Variants in DSTYK observed in about 807,000 individuals in gnomAD.
DSTYK encodes dual serine/threonine and tyrosine protein kinase.
DSTYK carries 34 observed loss-of-function variants against 98.7 expected under a neutral mutation model. That is an observed-to-expected ratio of 0.34 (90% CI 0.26 to 0.46). The LOEUF is 0.46. DSTYK is among the 20% of genes least tolerant of loss of function. DSTYK has a pLI of 1.00. For synonymous variants in DSTYK, 462 were observed against 457.3 expected, an observed-to-expected ratio of 1.01 and a Z score of -0.13; for missense variants, 962 against 1,181.7, an observed-to-expected ratio of 0.81 and a Z score of 2.73.
Position 205,186,051 on chromosome 1 carries a change from T to A in DSTYK, c.654+1367A>T, listed in dbSNP as rs193218323. The stretch of plus-strand genomic sequence containing the variant: ...AAAGAAAAAAAGAAAAGAAAAAAAA[T>A]ATATATATAAGTTTGAAAACCATTG... On this transcript the variant is annotated intron_variant, in intron 2 of 12. Coordinates refer to ENST00000367162, the MANE Select transcript of DSTYK (RefSeq NM_015375.3). 3.5e-3 allele frequency among the ~76,000 whole-genome samples: 527 copies of A among 151,768 alleles called. 2 individuals are homozygous for A. The highest frequency in any genetic ancestry group is 0.01 in the African/African-American group (434 of 41,398).
rs1280622071 is a variant in DSTYK at position 205,152,297 on chromosome 1, C to A, written c.2353-1503G>T. Among the ~76,000 whole-genome samples the A allele has an allele frequency of 2.0e-5, 3 of 152,222 alleles. No homozygotes were observed. The East Asian group carries it at 5.8e-4, about 29-fold the overall frequency. Reference sequence around the variant, plus strand: ...GGTTCAAGCGATTCTCCTGCCTCAGCCTCCCGAGCAGCTGGGATTACAGGC... The same window carrying A: ...GGTTCAAGCGATTCTCCTGCCTCAGACTCCCGAGCAGCTGGGATTACAGGC... On this transcript the variant is annotated intron_variant, in intron 10 of 12. Coordinates refer to ENST00000367162, the MANE Select transcript of DSTYK (RefSeq NM_015375.3).
Position 205,144,591 on chromosome 1 carries a change from C to T in DSTYK, c.*2967G>A, listed in dbSNP as rs1558593436. ...AAAAGCAAAGTATACACACTCTATA[C>T]ACACGTATACCTGCACTCAGCCTGC... On this transcript the variant is annotated 3_prime_UTR_variant, in exon 13 of 13. Coordinates refer to ENST00000367162, the MANE Select transcript of DSTYK (RefSeq NM_015375.3). 6.6e-6 allele frequency: 1 copy of T among 152,646 alleles called. No individual in the cohort carries two copies. The highest frequency in any genetic ancestry group is 1.5e-5 in the Non-Finnish European group (1 of 68,042). The allele number at this position is 152,646 out of a possible 1,614,324, so 9.5% of individuals were successfully genotyped here.
In DSTYK at chr1:205,211,522, C is replaced by T. The variant is rs1226609749; in HGVS notation, c.14G>A (p.Gly5Glu). 13 of 1,547,798 alleles carry T rather than the reference C, an allele frequency of 8.4e-6. No individual in the cohort carries two copies. Among genetic ancestry groups the T allele is most frequent in the African/African-American group, 5.6e-5 (4 of 72,028 alleles). Residue 5 changes from glycine (G) to glutamate (E), a missense_variant, in exon 1 of 13, where the codon GGG (glycine) becomes GAG (glutamate). By Grantham distance (98) the Gly-to-Glu change is moderately conservative. This residue lies in a region of DSTYK where 168 missense variants were observed against 120.0 expected (regional missense o/e 1.40). Coordinates refer to ENST00000367162, the MANE Select transcript of DSTYK (RefSeq NM_015375.3). The part of the protein sequence containing the change: MEGD[G>E]VPWGSEPVSG... ...GACGGGCTCGCTGCCCCATGGCACC[C>T]CGTCGCCCTCCATCGCCTCTGCCCG...
intron 1 of DSTYK, among the ~76,000 whole-genome samples, chr1:205,193,238 T>C (rs1452235621): frequency 1.3e-5 from 2 of 152,192 alleles, no homozygotes; most frequent in African/African-American, 2.4e-5. Flanking sequence ...GTGACTACTC[T>C]GAAAAGAGAA....
At chr1:205,173,418 A>G (rs1658129441) in intron 2 of DSTYK, 1 of 151,500 alleles carries the variant, frequency 6.6e-6, no homozygotes, top group South Asian at 2.1e-4. Context: ...AAAAGAAAAG[A>G]AAAGAAAACA....
chr1:205,190,422 C>T (rs1487766910), intron 1 of DSTYK, among the ~76,000 whole-genome samples: 3 of 151,792 alleles, frequency 2.0e-5, no homozygotes, highest in East Asian at 1.9e-4. Flanking sequence ...GTCAGGAGTC[C>T]GAAACCAGCC....
In DSTYK at chr1:205,206,056, T is replaced by C. The variant is rs967373593; in HGVS notation, c.265+5215A>G. Among the ~76,000 whole-genome samples, 48 of 152,368 alleles carry C rather than the reference T, an allele frequency of 3.2e-4. 1 individual carries two copies. Among genetic ancestry groups the C allele is most frequent in the African/African-American group, 1.1e-3 (47 of 41,594 alleles). ...GACCTTTTTAATCCATCATCAAACA[T>C]AAATGATTATTGATGATAATTATAA... On this transcript the variant is annotated intron_variant, in intron 1 of 12. Coordinates refer to ENST00000367162, the MANE Select transcript of DSTYK (RefSeq NM_015375.3).
In DSTYK at chr1:205,182,153, C is replaced by A. The variant is rs145967396; in HGVS notation, c.654+5265G>T. Among the ~76,000 whole-genome samples, 81 of 152,038 alleles carry A rather than the reference C, an allele frequency of 5.3e-4. 2 individuals are homozygous for A. The East Asian group carries it at 0.012, about 23-fold the overall frequency. Reference sequence around the variant, plus strand: ...TGGTGGCTCATCCCTGTAATCCCAGCACTTTGGGAGGCCGAGGCAGGCAGA... The same window carrying A: ...TGGTGGCTCATCCCTGTAATCCCAGAACTTTGGGAGGCCGAGGCAGGCAGA... On this transcript the variant is annotated intron_variant, in intron 2 of 12. Transcript: ENST00000367162.
chr1:205,160,094 T>C lies in DSTYK; in HGVS notation c.2105+20A>G, dbSNP rs1657671876. The C allele has an allele frequency of 6.2e-7, 1 of 1,613,542 alleles. No homozygotes were observed. The highest frequency in any genetic ancestry group is 8.5e-7 in the Non-Finnish European group (1 of 1,179,580). ...CTTCTCTGGATCTTTCTCATAGAGA[T>C]GAATGAGGCCAGGACCCACCTCATA... On this transcript the variant is annotated intron_variant, in intron 8 of 12. Transcript: ENST00000367162.
chr1:205,194,208 A>G (rs1658795250), intron 1 of DSTYK, among the ~76,000 whole-genome samples: 1 of 152,220 alleles, frequency 6.6e-6, no homozygotes, highest in Admixed American at 6.5e-5. Flanking sequence ...TAAATTTGTT[A>G]TGCTTTTCTC....
chr1:205,190,823 T>C (rs1483601443), intron 1 of DSTYK, among the ~76,000 whole-genome samples: 4 of 152,068 alleles, frequency 2.6e-5, no homozygotes, highest in African/African-American at 4.8e-5. Context: ...ACCTTTAAAT[T>C]CCTATAATAA....
chr1:205,169,099 C>T lies in DSTYK; in HGVS notation c.1324+64G>A. 7.3e-7 allele frequency: 1 copy of T among 1,364,222 alleles called. No homozygotes were observed. The highest frequency in any genetic ancestry group is 1.4e-5 in the South Asian group (1 of 71,290). The allele number at this position is 1,364,222 out of a possible 1,614,324, so 84.5% of individuals were successfully genotyped here. On this transcript the variant is annotated intron_variant, in intron 3 of 12. Coordinates refer to ENST00000367162, the MANE Select transcript of DSTYK (RefSeq NM_015375.3). This position sits in a 1 kb window ranked among gnomAD's most constrained non-coding sequence, Gnocchi z 4.0. ...CCTTAGGAATTAACGTTCTTAATTT[C>T]CGGCTAGAAAATGGTTAGAGACTCC...
chr1:205,153,913 C>T (rs1012344353), intron 10 of DSTYK, among the ~76,000 whole-genome samples: 1 of 147,650 alleles, frequency 6.8e-6, no homozygotes, highest in Admixed American at 6.9e-5. Flanking sequence ...AGGGTTTTAC[C>T]ATGTTGGCCA....
intron 1 of DSTYK, among the ~76,000 whole-genome samples, chr1:205,198,356 A>ACTTGGAACCTGGGAGGCAGCAAATTGG (rs1658929280): frequency 6.6e-6 from 1 of 152,220 alleles, no homozygotes; most frequent in Non-Finnish European, 1.5e-5. Flanking sequence ...TTCCAAGTTA[A>ACTTGGAACCTGGGAGGCAGCAAATTGG]AGCAGCAAAA....
chr1:205,179,402 TGAGGTCAG>T (rs1194466561), intron 2 of DSTYK, among the ~76,000 whole-genome samples: 2 of 151,858 alleles, frequency 1.3e-5, no homozygotes, highest in Non-Finnish European at 2.9e-5. Flanking sequence ...GGGTGGATCT[TGAGGTCAG>T]GAGATCACGA....
In DSTYK at chr1:205,211,526, C is replaced by A. The variant is rs1041953439; in HGVS notation, c.10G>T (p.Asp4Tyr). 1.3e-6 allele frequency: 2 copies of A among 1,538,518 alleles called. No homozygotes were observed. Among genetic ancestry groups the A allele is most frequent in the African/African-American group, 1.4e-5 (1 of 71,834 alleles). The change falls in exon 1 of 13, where the codon GAC becomes TAC. Residue 4 changes from aspartate to tyrosine, a missense_variant. Around this residue, in one of 4 missense-constraint regions of DSTYK, gnomAD observed 168 missense variants for 120.0 expected, o/e 1.40. Coordinates refer to ENST00000367162, the MANE Select transcript of DSTYK (RefSeq NM_015375.3). ...GGCTCGCTGCCCCATGGCACCCCGT[C>A]GCCCTCCATCGCCTCTGCCCGCTCT... Reference protein sequence around the residue: MEGDGVPWGSEPVS... With the variant: MEGYGVPWGSEPVS...
intron 1 of DSTYK, among the ~76,000 whole-genome samples, chr1:205,198,117 C>T (rs1273777050): frequency 1.3e-5 from 2 of 152,000 alleles, no homozygotes; most frequent in East Asian, 1.9e-4. Flanking sequence ...CGCTTGAACC[C>T]GGGAGGTGGA....
intron 1 of DSTYK, among the ~76,000 whole-genome samples, chr1:205,210,040 A>ACT (rs1431174773): frequency 1.3e-5 from 2 of 151,958 alleles, no homozygotes; most frequent in Non-Finnish European, 2.9e-5. Flanking sequence ...GGCTGAGATT[A>ACT]CAGGCCTCAA....
chr1:205,211,371 G>T lies in DSTYK; in HGVS notation c.165C>A (p.Ile55=). 1.2e-6 allele frequency: 2 copies of T among 1,612,662 alleles called. No individual in the cohort carries two copies. Among genetic ancestry groups the T allele is most frequent in the Non-Finnish European group, 8.5e-7 (1 of 1,179,528 alleles). ...GACAAGTGTGGTTGTGGGAGCACTT[G>T]ATGTCGCGGAAGAACTTCTGGGTCT... ...LRETQKFFRD[I]KCSHNHTCLS... Residue 55 remains isoleucine (I), a synonymous_variant, in exon 1 of 13, where the codon ATC becomes ATA. Coordinates refer to ENST00000367162, the MANE Select transcript of DSTYK (RefSeq NM_015375.3).
Sources: gnomAD v4.1 joint callset for allele counts (sites outside exome capture counted in the v4.1 genomes callset) on GRCh38, gnomAD v4.1.1 for gene constraint, gnomAD v4.1.1 regional missense constraint, Gnocchi (gnomAD v3.1) non-coding constraint, MANE v1.5 for transcripts, NCBI Gene and HGNC (gene_info 2026-07-23, HGNC 2026-07-21) for gene names.